NIM1K: variants seen among roughly 807,000 people sequenced by gnomAD.
The protein encoded by NIM1K is NIM1 serine/threonine protein kinase, also known as serine/threonine-protein kinase NIM1.
In NIM1K, 35 loss-of-function variants were observed where a neutral mutation model predicts 37.1. The observed-to-expected ratio is 0.94, with a 90% CI of 0.72 to 1.25. NIM1K has a LOEUF of 1.25. Among genes scored for constraint, NIM1K ranks in the 50% most tolerant of loss-of-function variants. The pLI is 0.00. For missense variants in NIM1K, 564 were observed against 548.0 expected (o/e 1.03, Z -0.29); for synonymous variants, 234 against 206.6 (o/e 1.13, Z -1.14).
chr5:43,233,073 G>A, intron 1 of NIM1K: 1 of 1,332,496 alleles, frequency 7.5e-7, no homozygotes, highest in Non-Finnish European at 1.1e-6. Flanking sequence ...TTGGCATCTG[G>A]CCATTGGGCT....
At chr5:43,267,030 A>G (rs1377757316) in intron 2 of NIM1K, among the ~76,000 whole-genome samples, 1 of 152,066 alleles carries the variant, frequency 6.6e-6, no homozygotes, top group East Asian at 1.9e-4. Flanking sequence ...ATTGCTTCCA[A>G]TTCTTCTTTG....
At chr5:43,218,118 C>A (rs1217655261) in intron 1 of NIM1K, among the ~76,000 whole-genome samples, 3 of 152,122 alleles carry the variant, frequency 2.0e-5, no homozygotes, top group Non-Finnish European at 4.4e-5. Flanking sequence ...TCAAGTGATT[C>A]TCCTGTCTCA....
intron 2 of NIM1K, among the ~76,000 whole-genome samples, chr5:43,250,457 T>C (rs935229635): frequency 6.6e-6 from 1 of 152,200 alleles, no homozygotes; most frequent in Admixed American, 6.5e-5. Context: ...GTATGATTTC[T>C]CTCAGCATAC....
intron 1 of NIM1K, among the ~76,000 whole-genome samples, chr5:43,198,931 G>A (rs1240785037): frequency 6.6e-6 from 1 of 151,926 alleles, no homozygotes; most frequent in Non-Finnish European, 1.5e-5. Flanking sequence ...GCTCACACCT[G>A]TAATCCCAGC....
chr5:43,205,315 T>C (rs151034950), intron 1 of NIM1K, among the ~76,000 whole-genome samples: 5 of 152,378 alleles, frequency 3.3e-5, no homozygotes, highest in Non-Finnish European at 5.9e-5. Context: ...ATAGAGTTTG[T>C]TGTAATGGTT....
At chr5:43,231,913 A>G in intron 1 of NIM1K, 1 of 1,003,378 alleles carries the variant, frequency 1.0e-6, no homozygotes. Flanking sequence ...CTGGCCTCAG[A>G]AAACTCTCCT....
intron 2 of NIM1K, among the ~76,000 whole-genome samples, chr5:43,272,612 A>G (rs1753274018): frequency 6.6e-6 from 1 of 152,154 alleles, no homozygotes; most frequent in Non-Finnish European, 1.5e-5. Context: ...CTAGAAGGAA[A>G]GCCTCAGCTT....
intron 1 of NIM1K, among the ~76,000 whole-genome samples, chr5:43,196,272 T>TA (rs1751912697): frequency 6.6e-6 from 1 of 152,218 alleles, no homozygotes; most frequent in African/African-American, 2.4e-5. Flanking sequence ...CTTTTTACTT[T>TA]AAAAAATTGT....
At chr5:43,201,131 A>AC (rs1356547929) in intron 1 of NIM1K, among the ~76,000 whole-genome samples, 1 of 150,842 alleles carries the variant, frequency 6.6e-6, no homozygotes, top group Admixed American at 6.6e-5. Flanking sequence ...TCTCAAAAAA[A>AC]AAAAAAAAAA....
chr5:43,251,483 G>A (rs1752865908), intron 2 of NIM1K, among the ~76,000 whole-genome samples: 1 of 152,192 alleles, frequency 6.6e-6, no homozygotes, highest in South Asian at 2.1e-4. Context: ...CAAACGAGGA[G>A]ATGGAGGCTC....
At chr5:43,204,755 C>T (rs1461423123) in intron 1 of NIM1K, among the ~76,000 whole-genome samples, 5 of 151,310 alleles carry the variant, frequency 3.3e-5, no homozygotes, top group South Asian at 2.1e-4. Context: ...GCCTGTAATC[C>T]GAGCACTTTG....
chr5:43,245,934 G>A lies in NIM1K; in HGVS notation c.159G>A (p.Gln53=), dbSNP rs750251608. ...RQLTPFEKLT[Q]DMSQDEKVVR... ...TGACGCCCTTCGAGAAACTGACACA[G>A]GACATGTCCCAGGATGAGAAGGTGG... is the stretch of plus-strand genomic sequence containing the variant. Residue 53 remains glutamine (Q), a synonymous_variant, in exon 2 of 4, where the codon CAG becomes CAA. Transcript: ENST00000326035. The A allele has an allele frequency of 4.3e-6, 7 of 1,614,136 alleles. No homozygotes were observed. The highest frequency in any genetic ancestry group is 3.3e-5 in the Admixed American group (2 of 60,014).
At chr5:43,247,121 C>T (rs1752788774) in intron 2 of NIM1K, among the ~76,000 whole-genome samples, 1 of 152,074 alleles carries the variant, frequency 6.6e-6, no homozygotes, top group Non-Finnish European at 1.5e-5. Flanking sequence ...AGAAAAAGCT[C>T]CACATACATG....
At chr5:43,240,613 G>C (rs1015175897) in intron 1 of NIM1K, among the ~76,000 whole-genome samples, 6 of 147,456 alleles carry the variant, frequency 4.1e-5, no homozygotes, top group Admixed American at 3.4e-4. Flanking sequence ...GCATGATCTT[G>C]GCTCACGGCA....
At chr5:43,269,785 A>AT (rs796914574) in intron 2 of NIM1K, among the ~76,000 whole-genome samples, 1 of 151,822 alleles carries the variant, frequency 6.6e-6, no homozygotes, top group Non-Finnish European at 1.5e-5. Context: ...CGCCTGGCTA[A>AT]TTTTTTGTAT....
At chr5:43,266,666 G>A (rs1182270876) in intron 2 of NIM1K, among the ~76,000 whole-genome samples, 1 of 152,214 alleles carries the variant, frequency 6.6e-6, no homozygotes, top group African/African-American at 2.4e-5. Context: ...ACCTCAGTTG[G>A]AAATGCAGAA....
chr5:43,253,961 G>A (rs1383568478), intron 2 of NIM1K, among the ~76,000 whole-genome samples: 3 of 152,064 alleles, frequency 2.0e-5, no homozygotes, highest in African/African-American at 4.8e-5. Context: ...GCGCTCAGTC[G>A]TTTAGGAGCT....
intron 1 of NIM1K, among the ~76,000 whole-genome samples, chr5:43,224,298 C>T (rs1017735916): frequency 6.6e-6 from 1 of 151,996 alleles, no homozygotes; most frequent in Non-Finnish European, 1.5e-5. Flanking sequence ...ATTGCTTGGA[C>T]CCCTGAAGTA....
chr5:43,209,381 G>C (rs182462887), intron 1 of NIM1K, among the ~76,000 whole-genome samples: 1 of 152,180 alleles, frequency 6.6e-6, no homozygotes, highest in Admixed American at 6.5e-5. Flanking sequence ...CTAGAGAGGT[G>C]CTCTGGTTTA....
Sources: allele counts gnomAD v4.1 joint callset (sites outside exome capture counted in the v4.1 genomes callset), GRCh38; gene constraint gnomAD v4.1.1; transcripts MANE v1.5; gene names NCBI Gene and HGNC (gene_info 2026-07-23, HGNC 2026-07-21).